The following CDH13 variants were observed in gnomAD, a reference collection of about 807,000 sequenced individuals.
The protein encoded by CDH13 is cadherin 13, also known as cadherin-13.
CDH13 carries 24 observed loss-of-function variants against 63.8 expected under a neutral mutation model. The observed-to-expected ratio is 0.38, with a 90% CI of 0.27 to 0.53. The LOEUF is 0.53. Among genes scored for constraint, CDH13 ranks in the 20% least tolerant of loss-of-function variants. The pLI, the probability that CDH13 is intolerant of heterozygous loss-of-function variation, is 0.85. For synonymous variants in CDH13, 503 were observed against 355.3 expected (o/e 1.42, Z -4.67); for missense variants, 1,049 against 903.1 (o/e 1.16, Z -2.07).
At chr16:82,778,044 CAGTA>C (rs1259811875) in intron 1 of CDH13, among the ~76,000 whole-genome samples, 3 of 152,158 alleles carry the variant, frequency 2.0e-5, no homozygotes, top group Non-Finnish European at 4.4e-5. Context: ...AGAAGCGAGT[CAGTA>C]AGTCCACCCC....
chr16:83,100,884 C>G (rs1473643877), intron 3 of CDH13, among the ~76,000 whole-genome samples: 1 of 152,178 alleles, frequency 6.6e-6, no homozygotes, highest in East Asian at 1.9e-4. Flanking sequence ...CCTTTACCAC[C>G]ATAAATGGAG....
chr16:82,699,939 A>G (rs558466012), intron 1 of CDH13, among the ~76,000 whole-genome samples: 3 of 152,342 alleles, frequency 2.0e-5, no homozygotes, highest in East Asian at 3.9e-4. Context: ...GAGTCATCCA[A>G]TTAGTTGGCT....
At chr16:83,318,106 T>C (rs75473666) in intron 5 of CDH13, among the ~76,000 whole-genome samples, 10,892 of 152,248 alleles carry the variant, frequency 0.072, 551 homozygotes, top group Non-Finnish European at 0.11. Context: ...ACTAGAAAGA[T>C]TGAAAAGATC....
At chr16:82,856,866 G>A (rs538154982) in intron 1 of CDH13, among the ~76,000 whole-genome samples, 1 of 152,194 alleles carries the variant, frequency 6.6e-6, no homozygotes, top group South Asian at 2.1e-4. Context: ...GTGGAAACTG[G>A]GAGACAAAAT....
chr16:83,600,224 A>G (rs1189537514), intron 7 of CDH13, among the ~76,000 whole-genome samples: 3 of 152,208 alleles, frequency 2.0e-5, no homozygotes, highest in Non-Finnish European at 4.4e-5. Flanking sequence ...TACGGTGTCA[A>G]TTCCACTTGT....
intron 7 of CDH13, among the ~76,000 whole-genome samples, chr16:83,585,812 GAATCTTTGGACT>G (rs1906102504): frequency 6.6e-6 from 1 of 152,252 alleles, no homozygotes; most frequent in South Asian, 2.1e-4. Flanking sequence ...CTCCCACGTG[GAATCTTTGGACT>G]AGTACCAACA....
chr16:83,183,688 C>T (rs1486225865), intron 4 of CDH13, among the ~76,000 whole-genome samples: 2 of 152,182 alleles, frequency 1.3e-5, no homozygotes, highest in Non-Finnish European at 2.9e-5. Flanking sequence ...GATGGGACGG[C>T]ACCTGCCATT....
intron 2 of CDH13, among the ~76,000 whole-genome samples, chr16:83,023,453 G>A (rs570319087): frequency 6.6e-6 from 1 of 152,306 alleles, no homozygotes; most frequent in East Asian, 1.9e-4. Context: ...GAGAAACTAT[G>A]TAGGGAAGTC....
chr16:83,583,523 G>C (rs4782823), intron 7 of CDH13, among the ~76,000 whole-genome samples: 101,185 of 152,150 alleles, frequency 0.67, 34,811 homozygotes, highest in Non-Finnish European at 0.76. Context: ...CAGGTCACAT[G>C]GTCAACGATG....
chr16:83,304,789 T>C (rs1220320979), intron 5 of CDH13, among the ~76,000 whole-genome samples: 1 of 152,146 alleles, frequency 6.6e-6, no homozygotes, highest in Non-Finnish European at 1.5e-5. Flanking sequence ...GTAATAACCT[T>C]GGTGAAGCTG....
At chr16:82,681,947 G>A (rs77290014) in intron 1 of CDH13, among the ~76,000 whole-genome samples, 82 of 152,346 alleles carry the variant, frequency 5.4e-4, no homozygotes, top group African/African-American at 1.8e-3. Context: ...TAGTGCACTT[G>A]ACTGTGCTGC....
intron 3 of CDH13, among the ~76,000 whole-genome samples, chr16:83,077,373 A>G (rs1597285196): frequency 6.7e-6 from 1 of 150,054 alleles, no homozygotes; most frequent in Admixed American, 6.6e-5. Context: ...TTGTATTTTT[A>G]CTAGATCTAT....
At chr16:83,191,475 A>G (rs1597490785) in intron 4 of CDH13, among the ~76,000 whole-genome samples, 1 of 123,690 alleles carries the variant, frequency 8.1e-6, no homozygotes, top group African/African-American at 3.1e-5. Context: ...ATATATATAT[A>G]TATATATATA....
chr16:82,866,155 A>G (rs1174423769), intron 2 of CDH13, among the ~76,000 whole-genome samples: 1 of 152,012 alleles, frequency 6.6e-6, no homozygotes, highest in African/African-American at 2.4e-5. Context: ...CATCGTACAT[A>G]TTACTATCAG....
At chr16:82,933,934 C>G (rs185987469) in intron 2 of CDH13, among the ~76,000 whole-genome samples, 1 of 152,336 alleles carries the variant, frequency 6.6e-6, no homozygotes, top group East Asian at 1.9e-4. Flanking sequence ...GGGTACAGCC[C>G]TCCTCCTGGC....
chr16:83,323,936 T>C (rs2090298323), intron 5 of CDH13, among the ~76,000 whole-genome samples: 1 of 152,194 alleles, frequency 6.6e-6, no homozygotes, highest in South Asian at 2.1e-4. Context: ...TATTAAGATA[T>C]AATTCACACA....
intron 2 of CDH13, chr16:82,954,869 T>C (rs1450104403): frequency 1.3e-5 from 2 of 152,192 alleles, no homozygotes; most frequent in Non-Finnish European, 2.9e-5. Context: ...GGACATTTTA[T>C]AGAAACTGAA....
chr16:83,795,113 G>C lies in CDH13; in HGVS notation c.*83G>C, dbSNP rs1904275480. On this transcript the variant is annotated 3_prime_UTR_variant, in exon 14 of 14. Coordinates refer to ENST00000567109, the MANE Select transcript of CDH13 (RefSeq NM_001257.5). ...AATCTATCCAAATCTGAAGATTGCG[G>C]TTTACAGCTATCGAACTTCACAACT... 8.0e-7 allele frequency: 1 copy of C among 1,249,426 alleles called. No homozygotes were observed. Among genetic ancestry groups the C allele is most frequent in the African/African-American group, 1.5e-5 (1 of 66,012 alleles). The allele number at this position is 1,249,426 out of a possible 1,614,324, so 77.4% of individuals were successfully genotyped here.
At chr16:82,643,599 G>T (rs558833777) in intron 1 of CDH13, among the ~76,000 whole-genome samples, 1 of 152,264 alleles carries the variant, frequency 6.6e-6, no homozygotes, top group African/African-American at 2.4e-5. Context: ...ATAAAGCAAG[G>T]GTTCTTCACG....
Sources: allele counts gnomAD v4.1 joint callset (sites outside exome capture counted in the v4.1 genomes callset), GRCh38; gene constraint gnomAD v4.1.1; transcripts MANE v1.5; gene names NCBI Gene and HGNC (gene_info 2026-07-23, HGNC 2026-07-21).